NTRK2: variants seen among roughly 807,000 people sequenced by gnomAD.
The protein encoded by NTRK2 is BDNF/NT-3 growth factors receptor.
Under a neutral mutation model 94.5 loss-of-function variants are expected in NTRK2, and 13 were observed. That is an observed-to-expected ratio of 0.14 (90% CI 0.09 to 0.22). NTRK2 has a LOEUF of 0.22. NTRK2 is among the 10% of genes least tolerant of loss of function. The pLI is 1.00. For missense variants in NTRK2, 639 were observed against 1,071.2 expected, an observed-to-expected ratio of 0.60 and a Z score of 5.63; for synonymous variants, 372 against 407.4, an observed-to-expected ratio of 0.91 and a Z score of 1.05.
chr9:84,811,109 A>T lies in NTRK2; in HGVS notation c.1397-49931A>T, dbSNP rs1011034460. On this transcript the variant is annotated intron_variant, in intron 12 of 18. Coordinates refer to ENST00000277120, the MANE Select transcript of NTRK2 (RefSeq NM_006180.6). ...TGAATTCAGAGGGTTTGACTTTTTCATCTATAACACAGTGACTAAAAGAGT... is the reference window on the plus strand; with the variant it reads ...TGAATTCAGAGGGTTTGACTTTTTCTTCTATAACACAGTGACTAAAAGAGT... 9.4e-6 allele frequency: 10 copies of T among 1,069,150 alleles called. No homozygotes were observed. The Admixed American group carries it at 2.9e-4, about 31-fold the overall frequency. 66.2% of individuals were successfully genotyped at this position (1,069,150 alleles called of 1,614,324 possible).
At chr9:84,763,273 T>A (rs2065747927) in intron 12 of NTRK2, among the ~76,000 whole-genome samples, 1 of 152,148 alleles carries the variant, frequency 6.6e-6, no homozygotes, top group Admixed American at 6.6e-5. Flanking sequence ...GAGTCAGGGC[T>A]CTGTGTTTCC....
At chr9:84,748,825 TA>T (rs1307772296) in intron 11 of NTRK2, among the ~76,000 whole-genome samples, 1 of 152,202 alleles carries the variant, frequency 6.6e-6, no homozygotes, top group Non-Finnish European at 1.5e-5. Flanking sequence ...TAAAGATTTT[TA>T]AAAAACACCC....
intron 14 of NTRK2, among the ~76,000 whole-genome samples, chr9:84,927,861 C>A (rs2077878311): frequency 3.3e-5 from 5 of 152,110 alleles, no homozygotes; most frequent in Admixed American, 3.3e-4. Flanking sequence ...TTCCTGATTT[C>A]ACTGGAAACA....
At position 85,024,560 on chromosome 9, in the gene NTRK2, G is replaced by C. The variant is rs1327584828; in HGVS notation, c.*3123G>C. 1.7e-5 allele frequency: 4 copies of C among 232,940 alleles called. No homozygotes were observed. The highest frequency in any genetic ancestry group is 6.6e-5 in the African/African-American group (3 of 45,430). 14.4% of individuals were successfully genotyped at this position (232,940 alleles called of 1,614,324 possible). On this transcript the variant is annotated 3_prime_UTR_variant, in exon 19 of 19. Transcript: ENST00000277120. Reference sequence around the variant, plus strand: ...TCCAGCCTAGCTTCCAGCACCATTGGGACTGAATCCAAGTACTCTCACTCT... The same window carrying C: ...TCCAGCCTAGCTTCCAGCACCATTGCGACTGAATCCAAGTACTCTCACTCT...
At chr9:84,996,297 C>G (rs957753109) in intron 17 of NTRK2, among the ~76,000 whole-genome samples, 1 of 152,202 alleles carries the variant, frequency 6.6e-6, no homozygotes, top group African/African-American at 2.4e-5. Flanking sequence ...TAAGACTTGG[C>G]AGTGACCTCC....
intron 2 of NTRK2, among the ~76,000 whole-genome samples, chr9:84,673,124 A>G (rs2058804975): frequency 6.6e-6 from 1 of 152,168 alleles, no homozygotes; most frequent in South Asian, 2.1e-4. Flanking sequence ...TCTCTGCTCT[A>G]TCTCAGCTTT....
At chr9:84,946,930 C>A (rs1392184606) in intron 15 of NTRK2, among the ~76,000 whole-genome samples, 1 of 152,074 alleles carries the variant, frequency 6.6e-6, no homozygotes, top group Non-Finnish European at 1.5e-5. Context: ...CCTCTCTGAT[C>A]TTCTGTCCTT....
At chr9:84,675,114 T>G (rs991458852) in intron 2 of NTRK2, among the ~76,000 whole-genome samples, 8 of 152,180 alleles carry the variant, frequency 5.3e-5, no homozygotes, top group African/African-American at 1.9e-4. Flanking sequence ...AACCTCTGTT[T>G]GTGTCTGCTT....
chr9:85,001,831 C>T (rs1176978640), intron 17 of NTRK2, among the ~76,000 whole-genome samples: 1 of 152,220 alleles, frequency 6.6e-6, no homozygotes, highest in Non-Finnish European at 1.5e-5. Context: ...AGAGCCTTCT[C>T]TAGAACAGGT....
intron 5 of NTRK2, among the ~76,000 whole-genome samples, chr9:84,709,521 A>G (rs1014319487): frequency 2.0e-5 from 3 of 152,164 alleles, no homozygotes; most frequent in African/African-American, 7.2e-5. Context: ...AAATTAAATG[A>G]GTCTACCATG....
chr9:84,719,600 G>A (rs1478326083), intron 6 of NTRK2, among the ~76,000 whole-genome samples: 1 of 152,090 alleles, frequency 6.6e-6, no homozygotes, highest in Non-Finnish European at 1.5e-5. Context: ...GCCAAGGTGG[G>A]TGTCTTTAGG....
chr9:84,967,382 G>A (rs1414858821), intron 17 of NTRK2, among the ~76,000 whole-genome samples: 8 of 152,236 alleles, frequency 5.3e-5, no homozygotes, highest in Admixed American at 5.2e-4. Context: ...GATGACTGGT[G>A]GAGGCCCTAC....
At chr9:84,701,360 A>G (rs1281484981) in intron 2 of NTRK2, among the ~76,000 whole-genome samples, 3 of 152,200 alleles carry the variant, frequency 2.0e-5, no homozygotes, top group East Asian at 3.8e-4. Context: ...TCCTTCAGCT[A>G]TGATCCCAGA....
intron 12 of NTRK2, among the ~76,000 whole-genome samples, chr9:84,854,648 T>TA (rs1174696962): frequency 2.0e-5 from 3 of 151,886 alleles, no homozygotes; most frequent in Non-Finnish European, 2.9e-5. Flanking sequence ...GAAGTAGTTA[T>TA]AAAAAAAGAG....
chr9:84,773,158 T>C (rs977414331), intron 12 of NTRK2, among the ~76,000 whole-genome samples: 5 of 152,216 alleles, frequency 3.3e-5, no homozygotes, highest in African/African-American at 1.2e-4. Context: ...AACATTCTGG[T>C]CTCCTGGCCT....
intron 2 of NTRK2, among the ~76,000 whole-genome samples, chr9:84,673,144 C>T (rs889770771): frequency 1.4e-4 from 22 of 152,124 alleles, no homozygotes; most frequent in African/African-American, 4.6e-4. Context: ...TGTGTGAGCC[C>T]AGCCAGTTTG....
At chr9:84,873,202 GC>G in intron 14 of NTRK2, 1 of 1,062,120 alleles carries the variant, frequency 9.4e-7, no homozygotes, top group Non-Finnish European at 1.1e-6. Context: ...TCTGTACTTT[GC>G]CTATTAATGT....
chr9:84,979,546 G>C (rs916609640), intron 17 of NTRK2, among the ~76,000 whole-genome samples: 1 of 152,216 alleles, frequency 6.6e-6, no homozygotes, highest in Non-Finnish European at 1.5e-5. Flanking sequence ...CCTGGTGAAG[G>C]TGTTGTAAAC....
intron 14 of NTRK2, among the ~76,000 whole-genome samples, chr9:84,903,803 A>G (rs1447178948): frequency 2.0e-5 from 3 of 150,956 alleles, no homozygotes; most frequent in Non-Finnish European, 1.5e-5. Flanking sequence ...AAACTCTTTT[A>G]CTGTAATAGG....
Sources: gnomAD v4.1 joint callset for allele counts (sites outside exome capture counted in the v4.1 genomes callset) on GRCh38, gnomAD v4.1.1 for gene constraint, MANE v1.5 for transcripts, NCBI Gene and HGNC (gene_info 2026-07-23, HGNC 2026-07-21) for gene names.